PXDNL: variants seen among roughly 807,000 people sequenced by gnomAD.
PXDNL encodes probable oxidoreductase PXDNL.
PXDNL carries 145 observed loss-of-function variants against 150.8 expected under a neutral mutation model. That is an observed-to-expected ratio of 0.96 (90% CI 0.84 to 1.10). The LOEUF is 1.10. PXDNL is among the 50% of genes least tolerant of loss of function. PXDNL has a pLI of 0.00. For synonymous variants in PXDNL, 757 were observed against 725.7 expected (o/e 1.04, Z -0.69); for missense variants, 2,087 against 1,873.9 (o/e 1.11, Z -2.10).
At chr8:51,566,959 C>G (rs1003119432) in intron 3 of PXDNL, among the ~76,000 whole-genome samples, 2 of 151,540 alleles carry the variant, frequency 1.3e-5, no homozygotes, top group African/African-American at 4.8e-5. Context: ...AACTGCATCC[C>G]GCGAAATCTG....
chr8:51,390,630 C>T (rs1807864570), intron 17 of PXDNL, among the ~76,000 whole-genome samples: 1 of 152,024 alleles, frequency 6.6e-6, no homozygotes, highest in South Asian at 2.1e-4. Flanking sequence ...GACTGCTTTC[C>T]TCATTTCTAG....
chr8:51,329,558 C>G (rs1805617588), intron 21 of PXDNL, among the ~76,000 whole-genome samples: 1 of 152,090 alleles, frequency 6.6e-6, no homozygotes, highest in Middle Eastern at 3.4e-3. Flanking sequence ...AGAAGCAGAC[C>G]CACATGAGAC....
intron 1 of PXDNL, among the ~76,000 whole-genome samples, chr8:51,775,095 T>C (rs1028323372): frequency 3.9e-5 from 6 of 152,162 alleles, no homozygotes; most frequent in African/African-American, 1.4e-4. Context: ...ATTAAATACA[T>C]TGAACATATA....
At chr8:51,682,950 C>T (rs1217640050) in intron 1 of PXDNL, among the ~76,000 whole-genome samples, 1 of 151,724 alleles carries the variant, frequency 6.6e-6, no homozygotes, top group Non-Finnish European at 1.5e-5. Context: ...AATTAAGGAA[C>T]GACCAGAGCG....
rs555031478 is a variant in PXDNL, at chr8:51,770,609, C to T, written c.164+38572G>A. ...CTCCTCCTGTCTCTTGATCAGAATG[C>T]ACAGGCCTTCGGCAGGATCTGAGAT... On this transcript the variant is annotated intron_variant, in intron 1 of 22. Coordinates refer to ENST00000356297, the MANE Select transcript of PXDNL (RefSeq NM_144651.5). Among the ~76,000 whole-genome samples the T allele has an allele frequency of 3.6e-4, 55 of 152,326 alleles. No individual in the cohort carries two copies. The South Asian group carries it at 0.011, about 29-fold the overall frequency.
intron 1 of PXDNL, among the ~76,000 whole-genome samples, chr8:51,744,319 A>G (rs2036950077): frequency 6.6e-6 from 1 of 151,290 alleles, no homozygotes; most frequent in Non-Finnish European, 1.5e-5. Flanking sequence ...AGAAAGAAAG[A>G]AAGAAGAAAG....
intron 19 of PXDNL, among the ~76,000 whole-genome samples, chr8:51,369,747 G>A (rs1807037605): frequency 6.6e-6 from 1 of 152,104 alleles, no homozygotes; most frequent in Non-Finnish European, 1.5e-5. Flanking sequence ...GACACTCACA[G>A]AGAAAGAGTA....
At chr8:51,775,757 A>G (rs1176090461) in intron 1 of PXDNL, among the ~76,000 whole-genome samples, 3 of 152,156 alleles carry the variant, frequency 2.0e-5, no homozygotes, top group Non-Finnish European at 2.9e-5. Flanking sequence ...TGATGATTGC[A>G]TTAACTGCAC....
At chr8:51,574,113 A>T (rs1813001614) in intron 3 of PXDNL, among the ~76,000 whole-genome samples, 1 of 152,062 alleles carries the variant, frequency 6.6e-6, no homozygotes, top group African/African-American at 2.4e-5. Context: ...TTAGGATTAT[A>T]TAATAGAGAT....
At position 51,445,986 on chromosome 8, in the gene PXDNL, T is replaced by TAA. The variant is rs35565640; in HGVS notation, c.1525+1016_1525+1017dup. Among the ~76,000 whole-genome samples the TAA allele has an allele frequency of 9.5e-4, 138 of 145,528 alleles. 6 individuals are homozygous for TAA. The South Asian group carries it at 0.025, about 26-fold the overall frequency. On this transcript the variant is annotated intron_variant, in intron 12 of 22. Coordinates refer to ENST00000356297, the MANE Select transcript of PXDNL (RefSeq NM_144651.5). Reference sequence around the variant, plus strand: ...CCCCCCGTAGAACCTCAACTTCCTTTAAAAAAAAAAAAAATTTAGTATGTC... The same window carrying TAA: ...CCCCCCGTAGAACCTCAACTTCCTTTAAAAAAAAAAAAAAAATTTAGTATGTC...
chr8:51,397,040 A>T (rs886669790), intron 17 of PXDNL, among the ~76,000 whole-genome samples: 16 of 152,240 alleles, frequency 1.1e-4, no homozygotes, highest in Non-Finnish European at 1.9e-4. Flanking sequence ...GTCATAAATG[A>T]ACCCATATAT....
chr8:51,560,626 C>A (rs79869545), intron 3 of PXDNL, among the ~76,000 whole-genome samples: 3,706 of 151,938 alleles, frequency 0.024, 78 homozygotes, highest in African/African-American at 0.055. Context: ...AAAACTGGAA[C>A]CTTGTACCAT....
intron 12 of PXDNL, among the ~76,000 whole-genome samples, chr8:51,427,481 A>T (rs1457441101): frequency 6.6e-6 from 1 of 152,196 alleles, no homozygotes; most frequent in Non-Finnish European, 1.5e-5. Context: ...TTATGAACAT[A>T]TATACAAAAA....
At chr8:51,671,502 A>G (rs1175221204) in intron 1 of PXDNL, among the ~76,000 whole-genome samples, 3 of 152,212 alleles carry the variant, frequency 2.0e-5, no homozygotes, top group South Asian at 4.1e-4. Context: ...AGTTTTCTCC[A>G]GAGTAGAAAA....
chr8:51,777,192 G>A (rs1255737819), intron 1 of PXDNL, among the ~76,000 whole-genome samples: 1 of 152,146 alleles, frequency 6.6e-6, no homozygotes, highest in Non-Finnish European at 1.5e-5. Flanking sequence ...GTGGGAATAC[G>A]AGTTCCAATC....
chr8:51,630,857 G>C (rs186366889), intron 2 of PXDNL, among the ~76,000 whole-genome samples: 8 of 152,146 alleles, frequency 5.3e-5, no homozygotes, highest in South Asian at 2.1e-4. Flanking sequence ...TCAGCCATTG[G>C]GGAAAGCAGT....
intron 19 of PXDNL, among the ~76,000 whole-genome samples, chr8:51,361,937 C>CAAAAAAAAAAAA (rs57092440): frequency 3.6e-4 from 21 of 58,070 alleles, no homozygotes; most frequent in African/African-American, 9.8e-4. Flanking sequence ...GATTCCATCT[C>CAAAAAAAAAAAA]AAAAAAAAAA....
chr8:51,713,527 C>A (rs1230959963), intron 1 of PXDNL, among the ~76,000 whole-genome samples: 1 of 152,204 alleles, frequency 6.6e-6, no homozygotes. Context: ...GTCCTCACAC[C>A]TCGTTGAGCC....
intron 17 of PXDNL, among the ~76,000 whole-genome samples, chr8:51,377,121 C>CACACACAT (rs1210657739): frequency 6.6e-6 from 1 of 151,374 alleles, no homozygotes; most frequent in Non-Finnish European, 1.5e-5. Context: ...CACACACACA[C>CACACACAT]ACACACACAC....
Sources: allele counts gnomAD v4.1 joint callset (sites outside exome capture counted in the v4.1 genomes callset), GRCh38; gene constraint gnomAD v4.1.1; transcripts MANE v1.5; gene names NCBI Gene and HGNC (gene_info 2026-07-23, HGNC 2026-07-21).